OSBPL8: variants seen among roughly 807,000 people sequenced by gnomAD.
OSBPL8 encodes the protein oxysterol binding protein like 8.
In OSBPL8, 59 loss-of-function variants were observed where a neutral mutation model predicts 125.5. That is an observed-to-expected ratio of 0.47 (90% CI 0.38 to 0.58). The LOEUF (loss-of-function observed/expected upper bound fraction) is 0.58, where lower values mean the gene tolerates loss of function less well. Among genes scored for constraint, OSBPL8 ranks in the 20% least tolerant of loss-of-function variants. The pLI is 0.00. For missense variants in OSBPL8, 758 were observed against 1,047.8 expected, an observed-to-expected ratio of 0.72 and a Z score of 3.82; for synonymous variants, 330 against 338.9, an observed-to-expected ratio of 0.97 and a Z score of 0.29.
chr12:76,397,933 C>T (rs762665088), intron 7 of OSBPL8, 36 bp from the exon 8 acceptor site: 13 of 1,591,438 alleles, frequency 8.2e-6, no homozygotes, highest in African/African-American at 4.0e-5. Flanking sequence ...AAAGGAAGAT[C>T]TGTTCTCCAA....
intron 12 of OSBPL8, 75 bp from the exon 13 acceptor site, chr12:76,386,735 C>A: frequency 3.0e-6 from 3 of 997,638 alleles, no homozygotes; most frequent in Non-Finnish European, 4.5e-6. Context: ...TAACCAATAA[C>A]CGAGTATGAA....
intron 21 of OSBPL8, among the ~76,000 whole-genome samples, chr12:76,359,786 C>A (rs1374172489): frequency 6.6e-6 from 1 of 152,142 alleles, no homozygotes. Flanking sequence ...TTATTCACTA[C>A]CACGAGAACA....
intron 21 of OSBPL8, among the ~76,000 whole-genome samples, chr12:76,368,459 G>T (rs1290140032): frequency 7.2e-5 from 11 of 151,902 alleles, no homozygotes; most frequent in Admixed American, 7.2e-4. Flanking sequence ...GGATTGGGGG[G>T]TCTTCTTTCC....
At chr12:76,362,454 C>T (rs1459614193) in intron 21 of OSBPL8, among the ~76,000 whole-genome samples, 2 of 152,070 alleles carry the variant, frequency 1.3e-5, no homozygotes, top group Non-Finnish European at 2.9e-5. Context: ...TCAACAGATG[C>T]CGAAAAGGCC....
chr12:76,542,737 C>T (rs1480370369), intron 1 of OSBPL8, among the ~76,000 whole-genome samples: 1 of 152,232 alleles, frequency 6.6e-6, no homozygotes, highest in Admixed American at 6.5e-5. Context: ...GACCATTTCA[C>T]TCCTTTGTTT....
chr12:76,356,375 G>A (rs931946815), intron 23 of OSBPL8, among the ~76,000 whole-genome samples: 6 of 152,116 alleles, frequency 3.9e-5, no homozygotes, highest in African/African-American at 1.4e-4. Context: ...TTCCTAGCAT[G>A]CTATAGGAGT....
At position 76,354,622 on chromosome 12, in the gene OSBPL8, A is replaced by C. The variant is rs1025007071; in HGVS notation, c.*1267T>G. 2 of 151,980 alleles carry C rather than the reference A, an allele frequency of 1.3e-5. No homozygotes were observed. The highest frequency in any genetic ancestry group is 2.9e-5 in the Non-Finnish European group (2 of 67,848). 9.4% of individuals were successfully genotyped at this position (151,980 alleles called of 1,614,324 possible). On this transcript the variant is annotated 3_prime_UTR_variant, in exon 24 of 24. Coordinates refer to ENST00000261183, the MANE Select transcript of OSBPL8 (RefSeq NM_020841.5). ...TTCCTAAACTGAACTACCTTGGCAA[A>C]AATTGCTTTCAAGGAATATAAATAT...
At chr12:76,558,983 C>T (rs1242165011) in intron 1 of OSBPL8, among the ~76,000 whole-genome samples, 2 of 152,182 alleles carry the variant, frequency 1.3e-5, no homozygotes, top group African/African-American at 4.8e-5. Context: ...GCACAGCCTT[C>T]TCTGGGGCTG....
At chr12:76,376,966 C>T (rs1388992037) in intron 16 of OSBPL8, among the ~76,000 whole-genome samples, 6 of 152,144 alleles carry the variant, frequency 3.9e-5, no homozygotes, top group Admixed American at 3.9e-4. Flanking sequence ...TGATGTTCCC[C>T]TCCCTGTGCC....
intron 1 of OSBPL8, among the ~76,000 whole-genome samples, chr12:76,494,839 A>G (rs1827059915): frequency 6.6e-6 from 1 of 152,134 alleles, no homozygotes; most frequent in Admixed American, 6.6e-5. Context: ...GTTGGATGTA[A>G]GAGTTTGCAG....
intron 9 of OSBPL8, among the ~76,000 whole-genome samples, chr12:76,394,406 G>A (rs1408791249): frequency 6.6e-6 from 1 of 152,140 alleles, no homozygotes; most frequent in East Asian, 1.9e-4. Context: ...TGTCCATGGA[G>A]GATGAAGAAG....
At chr12:76,515,493 T>C (rs2137221460) in intron 1 of OSBPL8, among the ~76,000 whole-genome samples, 1 of 152,324 alleles carries the variant, frequency 6.6e-6, no homozygotes, top group African/African-American at 2.4e-5. Flanking sequence ...GGTCAGTTGG[T>C]AGAATCTTGC....
intron 18 of OSBPL8, 33 bp from the exon 19 acceptor site, chr12:76,371,617 G>A: frequency 6.7e-7 from 1 of 1,502,854 alleles, no homozygotes. Flanking sequence ...TTAATGTAAA[G>A]AATTATACTT....
In OSBPL8 at chr12:76,500,634, C is replaced by T. The variant is rs377032456; in HGVS notation, c.-67-13016G>A. On this transcript the variant is annotated intron_variant, in intron 1 of 23. Coordinates refer to ENST00000261183, the MANE Select transcript of OSBPL8 (RefSeq NM_020841.5). The stretch of plus-strand genomic sequence containing the variant: ...TCCCCAATACTTTTATAGTTTCTTG[C>T]CCTGAATGAGTGGAGCCCATCAGTT... Among the ~76,000 whole-genome samples the T allele has an allele frequency of 4.6e-5, 7 of 152,244 alleles. No homozygotes were observed. In the South Asian group the frequency reaches 8.3e-4, roughly 18 times the overall value.
chr12:76,540,710 A>G (rs1438370459), intron 1 of OSBPL8, among the ~76,000 whole-genome samples: 1 of 151,982 alleles, frequency 6.6e-6, no homozygotes, highest in Admixed American at 6.6e-5. Flanking sequence ...CAGACAAGCA[A>G]ACACATTTCA....
chr12:76,444,451 G>A (rs1247895758), intron 4 of OSBPL8, among the ~76,000 whole-genome samples: 1 of 152,142 alleles, frequency 6.6e-6, no homozygotes, highest in Non-Finnish European at 1.5e-5. Context: ...CTTCTAGAAT[G>A]AGAAGTATTT....
intron 5 of OSBPL8, among the ~76,000 whole-genome samples, chr12:76,403,758 G>A (rs1423867052): frequency 1.3e-5 from 2 of 151,980 alleles, no homozygotes; most frequent in African/African-American, 4.8e-5. Context: ...AATGTTGAGC[G>A]GCCAGATGTG....
At chr12:76,450,542 A>C (rs1873256696) in intron 4 of OSBPL8, among the ~76,000 whole-genome samples, 1 of 152,062 alleles carries the variant, frequency 6.6e-6, no homozygotes, top group Non-Finnish European at 1.5e-5. Flanking sequence ...AAAGCACTTC[A>C]CAGTCTTCAA....
chr12:76,526,633 CTCTTTTTTTTTTT>C (rs1565971266), intron 1 of OSBPL8, among the ~76,000 whole-genome samples: 3 of 106,610 alleles, frequency 2.8e-5, no homozygotes, highest in Admixed American at 1.2e-4. Context: ...ATCAGTAAAT[CTCTTTTTTTTTTT>C]TTTTTTTTTT....
Sources: gnomAD v4.1 joint callset for allele counts (sites outside exome capture counted in the v4.1 genomes callset) on GRCh38, gnomAD v4.1.1 for gene constraint, MANE v1.5 for transcripts, NCBI Gene and HGNC (gene_info 2026-07-23, HGNC 2026-07-21) for gene names.